Variants in FBXO15 observed in about 807,000 individuals in gnomAD.
FBXO15 encodes F-box only protein 15.
Under a neutral mutation model 49.5 loss-of-function variants are expected in FBXO15, and 30 were observed. That is an observed-to-expected ratio of 0.61 (90% CI 0.45 to 0.82). The LOEUF is 0.82. FBXO15 is among the 40% of genes least tolerant of loss of function. The pLI is 0.00. For missense variants in FBXO15, 591 were observed against 631.5 expected (o/e 0.94, Z 0.69); for synonymous variants, 250 against 232.7 (o/e 1.07, Z -0.68).
At chr18:74,118,020 T>C (rs576191087) in intron 8 of FBXO15, among the ~76,000 whole-genome samples, 2 of 151,950 alleles carry the variant, frequency 1.3e-5, no homozygotes, top group East Asian at 3.9e-4. Context: ...TTTTTTTTTT[T>C]TTTTGAGACA....
chr18:74,141,100 C>A (rs1336558285), intron 1 of FBXO15, among the ~76,000 whole-genome samples: 1 of 152,198 alleles, frequency 6.6e-6, no homozygotes, highest in Admixed American at 6.5e-5. Context: ...AGTAGTGCAT[C>A]TTAGAATGAA....
intron 9 of FBXO15, among the ~76,000 whole-genome samples, chr18:74,081,448 T>C (rs964303037): frequency 6.6e-6 from 1 of 152,186 alleles, no homozygotes; most frequent in Non-Finnish European, 1.5e-5. Context: ...AAGTCAACTC[T>C]CCCACCCATG....
At chr18:74,110,301 A>G (rs578034664) in intron 8 of FBXO15, among the ~76,000 whole-genome samples, 208 of 151,446 alleles carry the variant, frequency 1.4e-3, no homozygotes, top group African/African-American at 4.9e-3. Context: ...AGGTATTTGC[A>G]CTAACCATGA....
At chr18:74,099,246 C>T (rs1478533187) in intron 8 of FBXO15, 1 of 152,182 alleles carries the variant, frequency 6.6e-6, no homozygotes, top group Non-Finnish European at 1.5e-5. Flanking sequence ...ATTCTACAAG[C>T]TAGAAGGGAT....
rs113548110 is a variant in FBXO15 at position 74,130,648 on chromosome 18, T to C, written c.343A>G (p.Ile115Val). ...YHLANDNFIW[I>V]GIYSTAFSPA... ...GAAAAAGCAGTTGAGTAGATTCCGA[T>C]CCAAATAAAACTGGAGGGAAAAGAG... The change falls in exon 4 of 10, where the codon ATC (isoleucine) becomes GTC (valine). Residue 115 changes from isoleucine (I) to valine (V), a missense_variant. Coordinates refer to ENST00000419743, the MANE Select transcript of FBXO15 (RefSeq NM_001142958.2). 59 of 1,612,548 alleles carry C rather than the reference T, an allele frequency of 3.7e-5. No individual in the cohort carries two copies. The African/African-American group carries it at 7.3e-4, about 20-fold the overall frequency.
At chr18:74,106,073 A>C (rs1296372567) in intron 8 of FBXO15, among the ~76,000 whole-genome samples, 1 of 152,160 alleles carries the variant, frequency 6.6e-6, no homozygotes, top group Non-Finnish European at 1.5e-5. Context: ...CTTCTTGCCC[A>C]GTAGAGATAA....
At position 74,132,997 on chromosome 18, in the gene FBXO15, A is replaced by C. The variant is rs540870716; in HGVS notation, c.333-2339T>G. Among the ~76,000 whole-genome samples, 14 of 152,334 alleles carry C rather than the reference A, an allele frequency of 9.2e-5. No homozygotes were observed. In the South Asian group the frequency reaches 2.9e-3, roughly 32 times the overall value. ...ATAAGTCATCAGTGTAACTCACTAC[A>C]CTATGTGTGCTTGCCCTCTCTTCAG... is the stretch of plus-strand genomic sequence containing the variant. On this transcript the variant is annotated intron_variant, in intron 3 of 9. Transcript: ENST00000419743.
At chr18:74,085,191 GAA>G (rs1261558542) in intron 8 of FBXO15, among the ~76,000 whole-genome samples, 1 of 151,318 alleles carries the variant, frequency 6.6e-6, no homozygotes, top group Non-Finnish European at 1.5e-5. Context: ...AACTCCATAT[GAA>G]AATGCTATGG....
chr18:74,105,618 TTG>T (rs1913721171), intron 8 of FBXO15, among the ~76,000 whole-genome samples: 2 of 151,808 alleles, frequency 1.3e-5, no homozygotes, highest in South Asian at 4.2e-4. Flanking sequence ...GGTTTTTTTT[TTG>T]TATTTTTAGG....
chr18:74,104,166 T>C (rs1171036842), intron 8 of FBXO15, among the ~76,000 whole-genome samples: 1 of 152,176 alleles, frequency 6.6e-6, no homozygotes, highest in Non-Finnish European at 1.5e-5. Flanking sequence ...TTTTTTCTCA[T>C]TTCTTTATTT....
chr18:74,080,356 C>A (rs1377055309), intron 9 of FBXO15, among the ~76,000 whole-genome samples: 1 of 152,298 alleles, frequency 6.6e-6, no homozygotes, highest in Middle Eastern at 3.4e-3. Flanking sequence ...ACCACATCTA[C>A]CCTCCAGGCC....
chr18:74,091,805 C>T (rs1015913623), intron 8 of FBXO15, among the ~76,000 whole-genome samples: 6 of 152,134 alleles, frequency 3.9e-5, no homozygotes, highest in Admixed American at 3.9e-4. Context: ...CCCCAGCTGC[C>T]TTTAATGTTT....
chr18:74,112,351 T>G (rs1392156497), intron 8 of FBXO15, among the ~76,000 whole-genome samples: 2 of 152,208 alleles, frequency 1.3e-5, no homozygotes, highest in African/African-American at 2.4e-5. Flanking sequence ...TCAAGTAGAA[T>G]TTCTCCAAGG....
At position 74,100,538 on chromosome 18, in the gene FBXO15, C is replaced by T. The variant is rs142942240; in HGVS notation, c.1139-18487G>A. 4.6e-3 allele frequency among the ~76,000 whole-genome samples: 695 copies of T among 151,560 alleles called. 7 individuals are homozygous for T. Among genetic ancestry groups the T allele is most frequent in the Non-Finnish European group, 4.4e-3 (296 of 67,860 alleles). On this transcript the variant is annotated intron_variant, in intron 8 of 9. Transcript: ENST00000419743. ...AAAAAGAACAAACCAAACCCAAACTCGGCAGAATAAAGGAAATAACCAAGA... is the reference window on the plus strand; with the variant it reads ...AAAAAGAACAAACCAAACCCAAACTTGGCAGAATAAAGGAAATAACCAAGA...
chr18:74,102,886 A>G (rs372680511), intron 8 of FBXO15, among the ~76,000 whole-genome samples: 3 of 152,162 alleles, frequency 2.0e-5, no homozygotes, highest in Non-Finnish European at 2.9e-5. Context: ...GTTTTCACTC[A>G]TAAGTGGGAA....
At chr18:74,128,820 G>C (rs2145199931) in intron 5 of FBXO15, among the ~76,000 whole-genome samples, 1 of 152,350 alleles carries the variant, frequency 6.6e-6, no homozygotes, top group Non-Finnish European at 1.5e-5. Context: ...TTACCCATGT[G>C]CTGCACACTT....
At chr18:74,085,113 G>A (rs1271712490) in intron 8 of FBXO15, among the ~76,000 whole-genome samples, 1 of 151,712 alleles carries the variant, frequency 6.6e-6, no homozygotes, top group African/African-American at 2.4e-5. Flanking sequence ...ATCCCAATAG[G>A]TACTTCAGAA....
At chr18:74,079,848 C>G (rs978869396) in intron 9 of FBXO15, among the ~76,000 whole-genome samples, 1 of 152,182 alleles carries the variant, frequency 6.6e-6, no homozygotes, top group Admixed American at 6.5e-5. Flanking sequence ...GATGTCCTTT[C>G]ACGACTGCAC....
intron 3 of FBXO15, among the ~76,000 whole-genome samples, chr18:74,133,716 G>T (rs1388071327): frequency 1.3e-5 from 2 of 152,216 alleles, no homozygotes; most frequent in Non-Finnish European, 2.9e-5. Flanking sequence ...GAAGCCTCAG[G>T]AAGCTTCTAC....
Sources: gnomAD v4.1 joint callset for allele counts (sites outside exome capture counted in the v4.1 genomes callset) on GRCh38, gnomAD v4.1.1 for gene constraint, MANE v1.5 for transcripts, NCBI Gene and HGNC (gene_info 2026-07-23, HGNC 2026-07-21) for gene names.